The following GRID1 variants were observed in gnomAD, a reference collection of about 807,000 sequenced individuals.
GRID1 encodes the protein glutamate ionotropic receptor delta type subunit 1, also known as glutamate receptor ionotropic, delta-1.
A neutral mutation model predicts 98.0 loss-of-function variants in GRID1; 28 were observed. The ratio of observed to expected loss-of-function variants is 0.29; its 90% CI spans 0.21 to 0.39. The LOEUF is 0.39. Among genes scored for constraint, GRID1 ranks in the 10% least tolerant of loss-of-function variants. The probability of loss-of-function intolerance (pLI) is 1.00; values close to 1 mark genes in which losing one functional copy is unlikely to be tolerated. For synonymous variants in GRID1, 553 were observed against 538.5 expected, an observed-to-expected ratio of 1.03 and a Z score of -0.37; for missense variants, 1,111 against 1,340.5, an observed-to-expected ratio of 0.83 and a Z score of 2.67.
intron 3 of GRID1, 69 bp from the exon 4 acceptor site, chr10:86,139,093 T>A: frequency 9.4e-7 from 1 of 1,066,190 alleles, no homozygotes; most frequent in South Asian, 1.3e-5. Context: ...GGAGGGTGTC[T>A]AACTGCAACA....
chr10:86,325,809 C>T (rs1455310302), intron 2 of GRID1, among the ~76,000 whole-genome samples: 2 of 152,300 alleles, frequency 1.3e-5, no homozygotes, highest in Non-Finnish European at 2.9e-5. Context: ...CTCCTAGAAA[C>T]CTACAACAAG....
At chr10:86,263,061 T>G (rs1304749932) in intron 2 of GRID1, among the ~76,000 whole-genome samples, 1 of 152,150 alleles carries the variant, frequency 6.6e-6, no homozygotes, top group Non-Finnish European at 1.5e-5. Flanking sequence ...TTCCAACAAT[T>G]TAATGCTCTG....
At chr10:86,122,908 A>C (rs1844699473) in intron 4 of GRID1, among the ~76,000 whole-genome samples, 1 of 152,184 alleles carries the variant, frequency 6.6e-6, no homozygotes, top group Non-Finnish European at 1.5e-5. Flanking sequence ...TCTGCAGCTT[A>C]GTGCCCTGCC....
chr10:86,321,758 CG>C (rs1365811277), intron 2 of GRID1, among the ~76,000 whole-genome samples: 3 of 152,216 alleles, frequency 2.0e-5, no homozygotes, highest in East Asian at 3.9e-4. Context: ...AGACAGCCCT[CG>C]AGTGGCAACA....
At position 85,916,154 on chromosome 10, in the gene GRID1, G is replaced by C. The variant is rs1374490631; in HGVS notation, c.780+32C>G. On this transcript the variant is annotated intron_variant, in intron 5 of 15. Transcript: ENST00000327946. This position sits in a 1 kb window ranked among gnomAD's most constrained non-coding sequence, Gnocchi z 4.0. ...TACAAGGGGCTAGGGGCTCAGTCCA[G>C]GCCGTGCTCATCACATTTCTAGAGC... The C allele has an allele frequency of 6.5e-7, 1 of 1,549,946 alleles. No individual in the cohort carries two copies. Among genetic ancestry groups the C allele is most frequent in the East Asian group, 2.2e-5 (1 of 44,586 alleles).
chr10:86,079,676 C>T (rs967564708), intron 4 of GRID1, among the ~76,000 whole-genome samples: 9 of 152,120 alleles, frequency 5.9e-5, no homozygotes, highest in Admixed American at 1.3e-4. Flanking sequence ...TCTGGGCCTC[C>T]GTGTCCTCCT....
At chr10:85,870,996 G>A (rs1471916204) in intron 5 of GRID1, among the ~76,000 whole-genome samples, 2 of 152,064 alleles carry the variant, frequency 1.3e-5, no homozygotes, top group African/African-American at 4.8e-5. Flanking sequence ...GAGGAGGAGA[G>A]AGCAGAGAAG....
chr10:85,729,704 G>A, intron 8 of GRID1, 90 bp from the exon 9 acceptor site: 1 of 758,576 alleles, frequency 1.3e-6, no homozygotes, highest in Non-Finnish European at 2.3e-6. Context: ...TCCTGAATTA[G>A]GCAGGTAGGT....
chr10:85,820,286 T>A (rs1038582847), intron 8 of GRID1, among the ~76,000 whole-genome samples: 1 of 152,088 alleles, frequency 6.6e-6, no homozygotes, highest in Non-Finnish European at 1.5e-5. Flanking sequence ...ACTAACAATT[T>A]GTTATAGATT....
At chr10:86,212,610 G>A (rs1846122538) in intron 2 of GRID1, among the ~76,000 whole-genome samples, 1 of 152,138 alleles carries the variant, frequency 6.6e-6, no homozygotes, top group African/African-American at 2.4e-5. Flanking sequence ...GCTGCTCCAC[G>A]AGCCACCTCG....
At chr10:86,080,465 AGGG>A in intron 4 of GRID1, among the ~76,000 whole-genome samples, 1 of 49,432 alleles carries the variant, frequency 2.0e-5, no homozygotes, top group Non-Finnish European at 3.6e-5. Context: ...AGGGGAGGGG[AGGG>A]AAGGGAAGGG....
intron 12 of GRID1, among the ~76,000 whole-genome samples, chr10:85,676,850 C>A (rs1179071006): frequency 6.6e-6 from 1 of 152,192 alleles, no homozygotes; most frequent in Admixed American, 6.5e-5. Flanking sequence ...ATTAATTTCA[C>A]TTGCTTACCA....
chr10:86,334,981 C>T (rs1848203492), intron 2 of GRID1, among the ~76,000 whole-genome samples: 1 of 152,246 alleles, frequency 6.6e-6, no homozygotes, highest in African/African-American at 2.4e-5. Context: ...CTGCATGGTG[C>T]TTTGCAGAGA....
intron 4 of GRID1, among the ~76,000 whole-genome samples, chr10:86,045,440 C>T (rs1843409524): frequency 6.6e-6 from 1 of 152,286 alleles, no homozygotes; most frequent in African/African-American, 2.4e-5. Flanking sequence ...ATTATTTTGA[C>T]AAGCGAGACT....
At chr10:86,185,314 G>C (rs1259674743) in intron 3 of GRID1, among the ~76,000 whole-genome samples, 3 of 151,974 alleles carry the variant, frequency 2.0e-5, no homozygotes, top group African/African-American at 4.8e-5. Flanking sequence ...ATGGATTTTT[G>C]TATATTTTTT....
intron 8 of GRID1, among the ~76,000 whole-genome samples, chr10:85,817,789 G>A (rs530937005): frequency 6.6e-6 from 1 of 152,266 alleles, no homozygotes; most frequent in South Asian, 2.1e-4. Flanking sequence ...TACTTAGGAG[G>A]CTGAGGCAGG....
chr10:86,104,500 C>T (rs1319345576), intron 4 of GRID1, among the ~76,000 whole-genome samples: 1 of 152,218 alleles, frequency 6.6e-6, no homozygotes, highest in Non-Finnish European at 1.5e-5. Flanking sequence ...GGTGCATGCC[C>T]ACCATGCTCA....
At chr10:85,823,619 T>G (rs1166410906) in intron 8 of GRID1, among the ~76,000 whole-genome samples, 5 of 151,870 alleles carry the variant, frequency 3.3e-5, no homozygotes, top group African/African-American at 1.2e-4. Flanking sequence ...GATAATATAT[T>G]TAAATGCAAA....
intron 3 of GRID1, among the ~76,000 whole-genome samples, chr10:86,145,778 T>C (rs779674329): frequency 4.6e-5 from 7 of 152,190 alleles, no homozygotes; most frequent in Admixed American, 1.3e-4. Context: ...ATTTGTGTTC[T>C]TTATCAAACC....
Sources: gnomAD v4.1 joint callset for allele counts (sites outside exome capture counted in the v4.1 genomes callset) on GRCh38, gnomAD v4.1.1 for gene constraint, Gnocchi (gnomAD v3.1) non-coding constraint, MANE v1.5 for transcripts, NCBI Gene and HGNC (gene_info 2026-07-23, HGNC 2026-07-21) for gene names.